The following CNIH3 variants were observed in gnomAD, a reference collection of about 807,000 sequenced individuals.
The protein encoded by CNIH3 is protein cornichon homolog 3.
A neutral mutation model predicts 24.1 loss-of-function variants in CNIH3; 14 were observed. That is an observed-to-expected ratio of 0.58 (90% confidence interval 0.38 to 0.91). The LOEUF is 0.91. Ranked by LOEUF, CNIH3 falls within the 40% of genes least tolerant of loss-of-function variation. The pLI is 0.00. For synonymous variants in CNIH3, 68 were observed against 73.8 expected (o/e 0.92, Z 0.40); for missense variants, 178 against 196.8 (o/e 0.90, Z 0.57).
chr1:224,500,897 G>C (rs935844566), intron 1 of CNIH3, among the ~76,000 whole-genome samples: 31 of 152,108 alleles, frequency 2.0e-4, no homozygotes, highest in African/African-American at 6.8e-4. Flanking sequence ...ATGGAAGAAG[G>C]GGGGCTGGAA....
intron 1 of CNIH3, among the ~76,000 whole-genome samples, chr1:224,519,408 C>T (rs1322168051): frequency 6.6e-6 from 1 of 152,106 alleles, no homozygotes; most frequent in African/African-American, 2.4e-5. Context: ...CGGAACTACA[C>T]CACCAGCCTT....
chr1:224,554,213 G>A (rs1363017018), intron 3 of CNIH3, among the ~76,000 whole-genome samples: 2 of 152,152 alleles, frequency 1.3e-5, no homozygotes, highest in Non-Finnish European at 2.9e-5. Flanking sequence ...CCCTGACTTA[G>A]TGCAGGAGGA....
intron 1 of CNIH3, among the ~76,000 whole-genome samples, chr1:224,481,840 C>T (rs910093377): frequency 1.3e-5 from 2 of 152,216 alleles, no homozygotes; most frequent in Non-Finnish European, 2.9e-5. Flanking sequence ...CCCTTAAGAG[C>T]GGTGAGTTCC....
chr1:224,494,308 T>C (rs1205768297), intron 1 of CNIH3, among the ~76,000 whole-genome samples: 1 of 152,214 alleles, frequency 6.6e-6, no homozygotes, highest in East Asian at 1.9e-4. Context: ...TAGAATTAAC[T>C]AATTCTGCTC....
At chr1:224,739,295 CTTTTTT>C (rs11342205) in intron 5 of CNIH3, 28 bp from the exon 6 acceptor site, 5,761 of 1,329,860 alleles carry the variant, frequency 4.3e-3, no homozygotes, top group East Asian at 0.013. Context: ...ACCTTCCTCT[CTTTTTT>C]TTTTTTTTTT....
chr1:224,690,200 T>C (rs1286136285), intron 3 of CNIH3, among the ~76,000 whole-genome samples: 1 of 152,122 alleles, frequency 6.6e-6, no homozygotes, highest in East Asian at 1.9e-4. Context: ...GTTATTTTCA[T>C]TTTTATTTTT....
At chr1:224,632,034 A>G (rs1268116724) in intron 1 of CNIH3, among the ~76,000 whole-genome samples, 1 of 152,210 alleles carries the variant, frequency 6.6e-6, no homozygotes, top group Non-Finnish European at 1.5e-5. Context: ...GGAAATAGCC[A>G]AATGATTAAG....
intron 1 of CNIH3, among the ~76,000 whole-genome samples, chr1:224,664,171 G>T (rs1236225049): frequency 2.0e-5 from 3 of 152,194 alleles, no homozygotes. Flanking sequence ...TTAGGGAGAG[G>T]TATGGAGCAA....
intron 1 of CNIH3, among the ~76,000 whole-genome samples, chr1:224,446,834 C>T (rs1167555352): frequency 6.6e-6 from 1 of 152,032 alleles, no homozygotes; most frequent in Non-Finnish European, 1.5e-5. Flanking sequence ...GTCTCCTGGG[C>T]AGAACTCATC....
chr1:224,648,926 A>G (rs563054605), intron 1 of CNIH3, among the ~76,000 whole-genome samples: 2 of 152,338 alleles, frequency 1.3e-5, no homozygotes, highest in South Asian at 4.1e-4. Flanking sequence ...CCCAGAAGGT[A>G]TGATTTATCC....
intron 3 of CNIH3, among the ~76,000 whole-genome samples, chr1:224,561,494 A>C (rs1680371317): frequency 6.6e-6 from 1 of 152,172 alleles, no homozygotes; most frequent in Non-Finnish European, 1.5e-5. Context: ...TGCTGGGGCC[A>C]CACTTTCCCT....
At chr1:224,444,074 C>G (rs953065887) in intron 1 of CNIH3, among the ~76,000 whole-genome samples, 2 of 152,134 alleles carry the variant, frequency 1.3e-5, no homozygotes, top group African/African-American at 4.8e-5. Context: ...GCTATGATAG[C>G]TATCATCTAT....
Position 224,724,737 on chromosome 1 carries a change from C to T in CNIH3, c.199-5725C>T, listed in dbSNP as rs542813251. On this transcript the variant is annotated intron_variant, in intron 3 of 5. Transcript: ENST00000272133. ...TTTGAGAGGCAGGCTGTTGAAACAGCCCTTGGTTTCTCTTCCCACTTGAGG... is the reference window on the plus strand; with the variant it reads ...TTTGAGAGGCAGGCTGTTGAAACAGTCCTTGGTTTCTCTTCCCACTTGAGG... Among the ~76,000 whole-genome samples the T allele has an allele frequency of 4.6e-5, 7 of 152,246 alleles. 1 individual carries two copies. In the South Asian group the frequency reaches 1.5e-3, roughly 32 times the overall value.
intron 5 of CNIH3, among the ~76,000 whole-genome samples, chr1:224,587,704 C>T (rs1681568848): frequency 6.6e-6 from 1 of 152,024 alleles, no homozygotes; most frequent in Non-Finnish European, 1.5e-5. Context: ...TTTGGGAGGC[C>T]AAGGTGGGAG....
At chr1:224,736,373 G>C (rs906532707) in intron 5 of CNIH3, among the ~76,000 whole-genome samples, 1 of 152,130 alleles carries the variant, frequency 6.6e-6, no homozygotes, top group Non-Finnish European at 1.5e-5. Context: ...TGATCTACCC[G>C]CCTCAGCCTC....
chr1:224,614,975 A>ATAAG (rs1239357569), upstream of CNIH3, among the ~76,000 whole-genome samples: 56 of 136,834 alleles, frequency 4.1e-4, no homozygotes, highest in Admixed American at 6.6e-4. Flanking sequence ...AAATAAATAA[A>ATAAG]TAAGTAAAAG....
chr1:224,594,441 T>C (rs1233819560), intron 3 of CNIH3, among the ~76,000 whole-genome samples: 1 of 152,178 alleles, frequency 6.6e-6, no homozygotes, highest in Non-Finnish European at 1.5e-5. Context: ...TTCTATGTTA[T>C]TTTATGTGAT....
At chr1:224,736,729 G>A (rs1420792317) in intron 5 of CNIH3, among the ~76,000 whole-genome samples, 3 of 152,128 alleles carry the variant, frequency 2.0e-5, no homozygotes, top group East Asian at 3.9e-4. Context: ...GGAGCCTGAC[G>A]GTCTTTGAAG....
chr1:224,462,739 A>G (rs1468958043), intron 1 of CNIH3, among the ~76,000 whole-genome samples: 1 of 147,452 alleles, frequency 6.8e-6, no homozygotes, highest in Non-Finnish European at 1.5e-5. Flanking sequence ...TCCCAGGCTC[A>G]GGTGATCCTC....
Sources: allele counts gnomAD v4.1 joint callset (sites outside exome capture counted in the v4.1 genomes callset), GRCh38; gene constraint gnomAD v4.1.1; transcripts MANE v1.5; gene names NCBI Gene and HGNC (gene_info 2026-07-23, HGNC 2026-07-21).